The following KCTD1 variants were observed in gnomAD, a reference collection of about 807,000 sequenced individuals.
The protein encoded by KCTD1 is BTB/POZ domain-containing protein KCTD1.
Under a neutral mutation model 66.0 loss-of-function variants are expected in KCTD1, and 24 were observed. The ratio of observed to expected loss-of-function variants is 0.36; its 90% confidence interval spans 0.26 to 0.51. KCTD1 has a LOEUF of 0.51. Among genes scored for constraint, KCTD1 ranks in the 20% least tolerant of loss-of-function variants. KCTD1 has a pLI of 0.95. For synonymous variants in KCTD1, 511 were observed against 517.2 expected (o/e 0.99, Z 0.16); for missense variants, 943 against 1,205.2 (o/e 0.78, Z 3.22).
At chr18:26,539,710 A>C (rs1323467182) in intron 1 of KCTD1, among the ~76,000 whole-genome samples, 1 of 152,210 alleles carries the variant, frequency 6.6e-6, no homozygotes. Context: ...TCACTGACCC[A>C]TAACAGCCAG....
intron 1 of KCTD1, among the ~76,000 whole-genome samples, chr18:26,546,453 G>C (rs1181063234): frequency 1.3e-5 from 2 of 152,176 alleles, no homozygotes; most frequent in African/African-American, 4.8e-5. Context: ...GCAAGAGTGA[G>C]CTAATCCTTT....
Position 26,546,734 on chromosome 18 carries a change from G to A in KCTD1, c.1803C>T (p.Pro601=). ...TAGAGTTTGGTTTGGTTACCTGGGT[G>A]GGGGAAACAATAGCAGGTGAAACTA... ...PTIVSPAIVS[P]TQDSRPNMSR... The change falls in exon 1 of 5, where the codon CCC becomes CCT. Residue 601 remains proline (P), a synonymous_variant. Coordinates refer to ENST00000580059, the MANE Select transcript of KCTD1 (RefSeq NM_001142730.3). The A allele has an allele frequency of 1.3e-6, 2 of 1,547,290 alleles. No homozygotes were observed. Among genetic ancestry groups the A allele is most frequent in the South Asian group, 2.4e-5 (2 of 83,102 alleles).
rs553122030 is a variant in KCTD1 at position 26,620,919 on chromosome 18, G to A, written c.-16+8228C>T. ...GCGATCTCGGCTCACTGCAAACTCCGCCTCCCGGGTTCACGCCATTCTCCT... is the reference window on the plus strand; with the variant it reads ...GCGATCTCGGCTCACTGCAAACTCCACCTCCCGGGTTCACGCCATTCTCCT... On this transcript the variant is annotated intron_variant, in intron 1 of 4. Transcript: ENST00000317932. 3.6e-3 allele frequency among the ~76,000 whole-genome samples: 517 copies of A among 142,514 alleles called. 1 individual carries two copies. The highest frequency in any genetic ancestry group is 6.3e-3 in the Non-Finnish European group (420 of 66,884). The allele number at this position is 142,514 out of a possible 152,430, so 93.5% of individuals were successfully genotyped here.
chr18:26,501,343 G>T (rs188228540), intron 1 of KCTD1, 93 bp from the exon 2 acceptor site: 2 of 1,102,078 alleles, frequency 1.8e-6, no homozygotes, highest in Non-Finnish European at 2.5e-6. Context: ...AGTGATTAAC[G>T]ATACTCATTC....
At chr18:26,600,391 C>T in intron 1 of KCTD1, 1 of 956,478 alleles carries the variant, frequency 1.0e-6, no homozygotes, top group Admixed American at 1.9e-5. Context: ...ACTCCTGTCC[C>T]TCAAATCCCA....
intron 1 of KCTD1, among the ~76,000 whole-genome samples, chr18:26,598,884 C>T (rs114703112): frequency 0.018 from 2,752 of 152,166 alleles, 80 homozygotes; most frequent in African/African-American, 0.06. Context: ...TTTATATATT[C>T]GCAATGCAAA....
Position 26,546,846 on chromosome 18 carries a change from T to A in KCTD1, c.1691A>T (p.Asp564Val). ...TTTCACGGAAACCACCACCACCGCA[T>A]CCACAGGCTCCGAGGGGCGGATACA... is the stretch of plus-strand genomic sequence containing the variant. ...RLCIRPSEPVDAVVVVSVKHD... is the reference protein window; with the variant it reads ...RLCIRPSEPVVAVVVVSVKHD... Residue 564 changes from aspartate (D) to valine (V), a missense_variant, in exon 1 of 5, where the codon GAT becomes GTT. Asp to Val is a radical substitution (Grantham distance 152). Around this residue, in one of 10 missense-constraint regions of KCTD1, gnomAD observed 197 missense variants for 182.7 expected, o/e 1.08. Coordinates refer to ENST00000580059, the MANE Select transcript of KCTD1 (RefSeq NM_001142730.3). 1.3e-6 allele frequency: 2 copies of A among 1,520,424 alleles called. No homozygotes were observed. Among genetic ancestry groups the A allele is most frequent in the Non-Finnish European group, 1.8e-6 (2 of 1,134,714 alleles). The allele number at this position is 1,520,424 out of a possible 1,614,324, so 94.2% of individuals were successfully genotyped here.
chr18:26,606,670 G>A (rs1598963954), intron 1 of KCTD1, among the ~76,000 whole-genome samples: 1 of 152,204 alleles, frequency 6.6e-6, no homozygotes, highest in Non-Finnish European at 1.5e-5. Context: ...TCCCAGTCAA[G>A]GCCAGTTCTG....
In KCTD1 at chr18:26,568,535, C is replaced by G. The variant is rs572773267; in HGVS notation, c.-16+60612G>C. Among the ~76,000 whole-genome samples, 3 of 152,224 alleles carry G rather than the reference C, an allele frequency of 2.0e-5. No homozygotes were observed. In the East Asian group the frequency reaches 5.8e-4, roughly 29 times the overall value. ...TATGGGTTTAAGCCACCACACCCAG[C>G]CTCAGCTCATACTTTTTAAATGATT... On this transcript the variant is annotated intron_variant, in intron 1 of 4. Transcript: ENST00000317932.
At chr18:26,464,082 T>C (rs933641999) in intron 3 of KCTD1, among the ~76,000 whole-genome samples, 2 of 152,212 alleles carry the variant, frequency 1.3e-5, no homozygotes, top group African/African-American at 4.8e-5. Context: ...ATTCAGTGTA[T>C]TAGGTTCCTA....
chr18:26,503,936 G>A (rs1220502105), intron 1 of KCTD1, among the ~76,000 whole-genome samples: 1 of 152,184 alleles, frequency 6.6e-6, no homozygotes, highest in Non-Finnish European at 1.5e-5. Context: ...TCTCCTAGGC[G>A]CTTTCCCCAT....
At chr18:26,533,206 T>C (rs1005263931) in intron 1 of KCTD1, among the ~76,000 whole-genome samples, 2 of 152,220 alleles carry the variant, frequency 1.3e-5, no homozygotes, top group African/African-American at 4.8e-5. Context: ...TACCAAGCAA[T>C]GCATTGAAGG....
upstream of KCTD1, among the ~76,000 whole-genome samples, chr18:26,642,084 C>G (rs986124589): frequency 2.0e-5 from 3 of 152,118 alleles, no homozygotes; most frequent in Non-Finnish European, 4.4e-5. Context: ...TTTCCATGCC[C>G]TATGGAATTG....
chr18:26,514,686 C>G (rs1983559143), intron 1 of KCTD1, among the ~76,000 whole-genome samples: 1 of 152,180 alleles, frequency 6.6e-6, no homozygotes, highest in East Asian at 1.9e-4. Flanking sequence ...AGAAACACTC[C>G]TCCTGGACCT....
intron 2 of KCTD1, among the ~76,000 whole-genome samples, chr18:26,484,330 T>A (rs563193117): frequency 6.6e-6 from 1 of 152,216 alleles, no homozygotes; most frequent in Non-Finnish European, 1.5e-5. Flanking sequence ...GAGATAATGT[T>A]TCTAGTACCT....
At chr18:26,467,570 C>A (rs1980811447) in intron 3 of KCTD1, among the ~76,000 whole-genome samples, 1 of 151,520 alleles carries the variant, frequency 6.6e-6, no homozygotes, top group Non-Finnish European at 1.5e-5. Flanking sequence ...TATCCCAGCA[C>A]TTTGGGAGGC....
In KCTD1 at chr18:26,547,640, G is replaced by A. The variant is rs897272324; in HGVS notation, c.897C>T (p.Ser299=). The part of the protein sequence containing the change: ...LRKLYTSSVF[S]TNTPFGLLNK... Reference sequence around the variant, plus strand: ...TGAGCAGCCCGAAGGGCGTGTTGGTGCTGAAGACGCTGGAGGTGTACAGCT... The same window carrying A: ...TGAGCAGCCCGAAGGGCGTGTTGGTACTGAAGACGCTGGAGGTGTACAGCT... Residue 299 remains serine (S), a synonymous_variant, in exon 1 of 5, where the codon AGC becomes AGT. Transcript: ENST00000580059. 173 of 1,551,498 alleles carry A rather than the reference G, an allele frequency of 1.1e-4. No individual in the cohort carries two copies. Among genetic ancestry groups the A allele is most frequent in the Non-Finnish European group, 1.5e-4 (169 of 1,146,970 alleles).
upstream of KCTD1, among the ~76,000 whole-genome samples, chr18:26,642,512 C>T (rs1221216231): frequency 6.6e-6 from 1 of 152,148 alleles, no homozygotes; most frequent in African/African-American, 2.4e-5. Flanking sequence ...AGGGCTATTA[C>T]CATTCAGTTG....
chr18:26,568,489 G>A (rs1311744625), intron 1 of KCTD1, among the ~76,000 whole-genome samples: 13 of 151,688 alleles, frequency 8.6e-5, no homozygotes, highest in Non-Finnish European at 1.5e-4. Flanking sequence ...CACCCACCTC[G>A]GCCTCCCAAG....
Sources: allele counts gnomAD v4.1 joint callset (sites outside exome capture counted in the v4.1 genomes callset), GRCh38; gene constraint gnomAD v4.1.1; regional missense constraint gnomAD v4.1.1; transcripts MANE v1.5; gene names NCBI Gene and HGNC (gene_info 2026-07-23, HGNC 2026-07-21).